The following DPH6 variants were observed in gnomAD, a reference collection of about 807,000 sequenced individuals.
DPH6 encodes diphthine--ammonia ligase.
A neutral mutation model predicts 38.2 loss-of-function variants in DPH6; 33 were observed. The observed-to-expected ratio is 0.86, with a 90% confidence interval of 0.65 to 1.15. DPH6 has a LOEUF of 1.15. Ranked by LOEUF, DPH6 falls within the 50% of genes most tolerant of loss-of-function variation. The pLI is 0.00. For synonymous variants in DPH6, 108 were observed against 103.0 expected, an observed-to-expected ratio of 1.05 and a Z score of -0.30; for missense variants, 325 against 320.0, an observed-to-expected ratio of 1.02 and a Z score of -0.12.
At chr15:35,263,398 CTTTTTTTTTTT>C (rs757916530) in intron 3 of DPH6, among the ~76,000 whole-genome samples, 2 of 99,000 alleles carry the variant, frequency 2.0e-5, no homozygotes, top group Non-Finnish European at 3.8e-5. Context: ...CATAATTAAT[CTTTTTTTTTTT>C]TTTTTTTTTT....
At chr15:35,224,989 A>G (rs1261018805) in intron 3 of DPH6, among the ~76,000 whole-genome samples, 1 of 152,190 alleles carries the variant, frequency 6.6e-6, no homozygotes, top group Non-Finnish European at 1.5e-5. Context: ...TTCATATTTC[A>G]TTAGTATTTC....
chr15:35,439,059 C>A (rs2053752353), intron 5 of DPH6, among the ~76,000 whole-genome samples: 1 of 152,094 alleles, frequency 6.6e-6, no homozygotes, highest in Non-Finnish European at 1.5e-5. Flanking sequence ...TGCTTTTTAG[C>A]AAAATTTATA....
At chr15:35,184,853 G>T in the DPH6 span, among the ~76,000 whole-genome samples, 6 of 152,248 alleles carry the variant, frequency 3.9e-5, no homozygotes, top group South Asian at 6.2e-4. Context: ...TGTAGGGTCA[G>T]CATTTTACCA....
intron 5 of DPH6, among the ~76,000 whole-genome samples, chr15:35,439,545 T>G (rs990011235): frequency 6.6e-6 from 1 of 152,216 alleles, no homozygotes; most frequent in Non-Finnish European, 1.5e-5. Flanking sequence ...AGGGTATGCT[T>G]CCTTTTAAGG....
At chr15:35,386,151 T>C (rs1186391581) in intron 6 of DPH6, among the ~76,000 whole-genome samples, 1 of 152,212 alleles carries the variant, frequency 6.6e-6, no homozygotes, top group Non-Finnish European at 1.5e-5. Context: ...TCCAGCTTCA[T>C]CCATGTCCCT....
At chr15:35,437,352 A>G (rs1324446921) in intron 5 of DPH6, among the ~76,000 whole-genome samples, 1 of 152,110 alleles carries the variant, frequency 6.6e-6, no homozygotes, top group Non-Finnish European at 1.5e-5. Flanking sequence ...CAGATGAGTA[A>G]TTGGGTCCCC....
chr15:35,355,666 T>G (rs867085419), intron 3 of DPH6, among the ~76,000 whole-genome samples: 1 of 152,270 alleles, frequency 6.6e-6, no homozygotes, highest in African/African-American at 2.4e-5. Flanking sequence ...GTTAGTCTGA[T>G]GCACTTCCCC....
chr15:35,288,319 TAAGATTTTACTTTTAGGG>T (rs1236106802), intron 3 of DPH6, among the ~76,000 whole-genome samples: 9 of 152,290 alleles, frequency 5.9e-5, no homozygotes, highest in Non-Finnish European at 8.8e-5. Flanking sequence ...GGTTTACCAG[TAAGATTTTACTTTTAGGG>T]AAGATTTTAC....
chr15:35,406,795 C>A (rs1320810312), intron 6 of DPH6, among the ~76,000 whole-genome samples: 3 of 151,908 alleles, frequency 2.0e-5, no homozygotes, highest in Non-Finnish European at 4.4e-5. Flanking sequence ...GGCTTGGGGA[C>A]ATTTAATAGA....
At chr15:35,173,811 G>A in the DPH6 span, among the ~76,000 whole-genome samples, 104 of 152,180 alleles carry the variant, frequency 6.8e-4, no homozygotes, top group African/African-American at 2.5e-3. Flanking sequence ...CTCTACTTGG[G>A]TCAATCATGT....
chr15:35,204,117 T>C, the DPH6 span, among the ~76,000 whole-genome samples: 1 of 151,934 alleles, frequency 6.6e-6, no homozygotes, highest in Admixed American at 6.6e-5. Flanking sequence ...CAATCTTTCC[T>C]GTACTTAAGT....
At chr15:35,526,145 G>GT in intron 3 of DPH6, among the ~76,000 whole-genome samples, 1 of 152,276 alleles carries the variant, frequency 6.6e-6, no homozygotes, top group South Asian at 2.1e-4. Context: ...AAGATCATGG[G>GT]TTATTTATCA....
At chr15:35,268,232 G>A (rs1040303236) in intron 3 of DPH6, among the ~76,000 whole-genome samples, 1 of 151,114 alleles carries the variant, frequency 6.6e-6, no homozygotes, top group African/African-American at 2.4e-5. Context: ...AAAACTGAAG[G>A]AGTTTGAGCA....
At chr15:35,235,974 A>G (rs2051548276) in intron 3 of DPH6, among the ~76,000 whole-genome samples, 1 of 151,962 alleles carries the variant, frequency 6.6e-6, no homozygotes, top group Admixed American at 6.5e-5. Flanking sequence ...TATTGAAATA[A>G]TGCCACCACA....
At chr15:35,488,462 A>G (rs2054433522) in intron 3 of DPH6, among the ~76,000 whole-genome samples, 2 of 152,192 alleles carry the variant, frequency 1.3e-5, no homozygotes, top group African/African-American at 2.4e-5. Context: ...TGGAAGGCAA[A>G]GGAGAAGCAA....
chr15:35,511,730 A>C (rs2054775597), intron 3 of DPH6, among the ~76,000 whole-genome samples: 1 of 152,110 alleles, frequency 6.6e-6, no homozygotes, highest in Non-Finnish European at 1.5e-5. Context: ...CACAGAAGGA[A>C]ATATTCCCTA....
At chr15:35,172,464 A>G in the DPH6 span, among the ~76,000 whole-genome samples, 1 of 152,210 alleles carries the variant, frequency 6.6e-6, no homozygotes, top group Admixed American at 6.5e-5. Flanking sequence ...CTGTATGTTC[A>G]ATTCAATGTT....
chr15:35,354,955 G>C (rs1000434666), intron 3 of DPH6, among the ~76,000 whole-genome samples: 3 of 152,194 alleles, frequency 2.0e-5, no homozygotes, highest in African/African-American at 7.2e-5. Flanking sequence ...CTTGCTTTAT[G>C]AATCTGGGTG....
chr15:35,409,439 T>A (rs1020646532), intron 6 of DPH6, among the ~76,000 whole-genome samples: 6 of 152,010 alleles, frequency 3.9e-5, no homozygotes, highest in African/African-American at 1.2e-4. Flanking sequence ...ATTTTGTGTT[T>A]AAACATCCTA....
Sources: gnomAD v4.1 joint callset for allele counts (sites outside exome capture counted in the v4.1 genomes callset) on GRCh38, gnomAD v4.1.1 for gene constraint, MANE v1.5 for transcripts, NCBI Gene and HGNC (gene_info 2026-07-23, HGNC 2026-07-21) for gene names.